The following SNX29 variants were observed in gnomAD, a reference collection of about 807,000 sequenced individuals.
The protein encoded by SNX29 is sorting nexin 29.
SNX29 carries 78 observed loss-of-function variants against 102.1 expected under a neutral mutation model. The observed-to-expected ratio is 0.76, with a 90% CI of 0.64 to 0.92. The LOEUF (loss-of-function observed/expected upper bound fraction) is 0.92. SNX29 is among the 40% of genes least tolerant of loss of function. The pLI is 0.00. For missense variants in SNX29, 1,280 were observed against 1,061.7 expected (o/e 1.21, Z -2.86); for synonymous variants, 580 against 414.5 (o/e 1.40, Z -4.85).
chr16:12,402,975 G>A (rs1471692828), intron 17 of SNX29, among the ~76,000 whole-genome samples: 1 of 152,180 alleles, frequency 6.6e-6, no homozygotes, highest in Admixed American at 6.5e-5. Flanking sequence ...AATGGGCTCA[G>A]GGTCAGGGTC....
intron 15 of SNX29, among the ~76,000 whole-genome samples, chr16:12,340,204 T>G (rs1567455365): frequency 6.6e-6 from 1 of 152,238 alleles, no homozygotes; most frequent in Non-Finnish European, 1.5e-5. Context: ...TCTCCTTCCC[T>G]GGAGAAACTA....
At chr16:12,459,859 T>C (rs574743934) in intron 18 of SNX29, among the ~76,000 whole-genome samples, 66 of 152,278 alleles carry the variant, frequency 4.3e-4, no homozygotes, top group African/African-American at 1.5e-3. Flanking sequence ...CCCAAAGCCA[T>C]AGTGAACTGG....
chr16:12,535,026 T>C (rs1332001718), intron 20 of SNX29, among the ~76,000 whole-genome samples: 2 of 152,154 alleles, frequency 1.3e-5, no homozygotes, highest in African/African-American at 4.8e-5. Context: ...AGCTGGCTCG[T>C]TGGGTCTTAT....
At chr16:12,561,848 G>A (rs188300954) in intron 20 of SNX29, among the ~76,000 whole-genome samples, 2 of 152,286 alleles carry the variant, frequency 1.3e-5, no homozygotes, top group East Asian at 3.9e-4. Context: ...GGGAGGGGAG[G>A]CAGTGCCCTG....
At chr16:12,546,501 G>T (rs143668152) in intron 20 of SNX29, 2 of 152,042 alleles carry the variant, frequency 1.3e-5, no homozygotes, top group Non-Finnish European at 2.9e-5. Context: ...GGAAAGACTC[G>T]CCCCTGTGAT....
chr16:12,469,547 A>G lies in SNX29; in HGVS notation c.2038-8172A>G, dbSNP rs145349141. Among the ~76,000 whole-genome samples, 88 of 152,350 alleles carry G rather than the reference A, an allele frequency of 5.8e-4. No individual in the cohort carries two copies. The East Asian group carries it at 0.016, about 28-fold the overall frequency. ...TTCAACAGTCAGCATAAAGGGGATC[A>G]GGGTTTTAAGGAGTTGATAACACTT... On this transcript the variant is annotated intron_variant, in intron 18 of 20. Transcript: ENST00000566228.
At chr16:12,438,873 G>A (rs529536528) in intron 18 of SNX29, among the ~76,000 whole-genome samples, 2 of 152,196 alleles carry the variant, frequency 1.3e-5, no homozygotes, top group Non-Finnish European at 2.9e-5. Context: ...CAGGAGCCGG[G>A]CCTGTTGGAA....
intron 14 of SNX29, among the ~76,000 whole-genome samples, chr16:12,268,444 G>A (rs963860496): frequency 6.6e-6 from 1 of 152,202 alleles, no homozygotes; most frequent in Non-Finnish European, 1.5e-5. Flanking sequence ...CCGGGGTCTT[G>A]TTGCCCGTGT....
At chr16:12,221,457 A>C (rs1352392853) in intron 14 of SNX29, among the ~76,000 whole-genome samples, 2 of 152,176 alleles carry the variant, frequency 1.3e-5, no homozygotes, top group Non-Finnish European at 2.9e-5. Context: ...TCTACTAAAA[A>C]TACAAAATTA....
At chr16:12,239,885 C>T (rs902280376) in intron 14 of SNX29, among the ~76,000 whole-genome samples, 6 of 152,000 alleles carry the variant, frequency 3.9e-5, no homozygotes, top group African/African-American at 1.4e-4. Flanking sequence ...AGCACCAGGA[C>T]AGAAAAAGAA....
At chr16:12,563,619 G>T (rs759393351) in intron 20 of SNX29, among the ~76,000 whole-genome samples, 2 of 84,206 alleles carry the variant, frequency 2.4e-5, no homozygotes, top group African/African-American at 6.2e-5. Context: ...TCTCACAGAC[G>T]AGACTGTCCT....
At chr16:12,397,267 A>T (rs890122956) in intron 16 of SNX29, among the ~76,000 whole-genome samples, 1 of 152,182 alleles carries the variant, frequency 6.6e-6, no homozygotes. Context: ...TGAAGCCTTC[A>T]AGACTACTTC....
chr16:12,334,901 CTTTTTTT>C (rs36176543), intron 15 of SNX29, among the ~76,000 whole-genome samples: 6 of 93,608 alleles, frequency 6.4e-5, no homozygotes, highest in Admixed American at 1.5e-4. Flanking sequence ...GCCCCAGAGC[CTTTTTTT>C]TTTTTTTTTT....
At chr16:12,548,205 A>C (rs1345595274) in intron 20 of SNX29, among the ~76,000 whole-genome samples, 2 of 152,158 alleles carry the variant, frequency 1.3e-5, no homozygotes, top group Non-Finnish European at 2.9e-5. Context: ...GCCTCCCACA[A>C]GGCCACGCTG....
At chr16:12,544,243 C>G (rs1448220723) in intron 20 of SNX29, among the ~76,000 whole-genome samples, 1 of 151,068 alleles carries the variant, frequency 6.6e-6, no homozygotes, top group African/African-American at 2.5e-5. Context: ...AAGATTGAAA[C>G]TAACTTACCC....
chr16:12,211,402 G>C (rs1265668381), intron 14 of SNX29, among the ~76,000 whole-genome samples: 2 of 152,156 alleles, frequency 1.3e-5, no homozygotes, highest in African/African-American at 2.4e-5. Context: ...TGGGCCCCGG[G>C]GTAGCTTTCC....
At chr16:12,067,282 A>AT (rs200251446) in intron 9 of SNX29, among the ~76,000 whole-genome samples, 13 of 150,682 alleles carry the variant, frequency 8.6e-5, no homozygotes, top group East Asian at 3.9e-4. Context: ...GGTTAAAACA[A>AT]TTTTTTTTTT....
chr16:11,995,393 G>T (rs1232746397), intron 1 of SNX29, among the ~76,000 whole-genome samples: 1 of 151,958 alleles, frequency 6.6e-6, no homozygotes, highest in Non-Finnish European at 1.5e-5. Context: ...GCTCATTCAG[G>T]GCTAAGTTGG....
chr16:12,555,629 T>C (rs904862512), intron 20 of SNX29, among the ~76,000 whole-genome samples: 1 of 151,942 alleles, frequency 6.6e-6, no homozygotes, highest in Non-Finnish European at 1.5e-5. Context: ...ATGCCACACC[T>C]GAGTAACCCC....
Sources: gnomAD v4.1 joint callset for allele counts (sites outside exome capture counted in the v4.1 genomes callset) on GRCh38, gnomAD v4.1.1 for gene constraint, MANE v1.5 for transcripts, NCBI Gene and HGNC (gene_info 2026-07-23, HGNC 2026-07-21) for gene names.